Variants in ZFPM2 observed in about 807,000 individuals in gnomAD.
ZFPM2 encodes zinc finger protein ZFPM2.
ZFPM2 carries 20 observed loss-of-function variants against 98.6 expected under a neutral mutation model. The ratio of observed to expected loss-of-function variants is 0.20; its 90% CI spans 0.14 to 0.29. The LOEUF (loss-of-function observed/expected upper bound fraction) is 0.29. Ranked by LOEUF, ZFPM2 falls within the 10% of genes least tolerant of loss-of-function variation. The pLI, the probability that ZFPM2 is intolerant of heterozygous loss-of-function variation, is 1.00. For synonymous variants in ZFPM2, 518 were observed against 502.7 expected (o/e 1.03, Z -0.41); for missense variants, 1,310 against 1,388.6 (o/e 0.94, Z 0.90).
intron 4 of ZFPM2, among the ~76,000 whole-genome samples, chr8:105,614,187 C>A (rs1274669808): frequency 2.0e-5 from 3 of 152,064 alleles, no homozygotes; most frequent in Non-Finnish European, 2.9e-5. Flanking sequence ...TTTTATTAGA[C>A]AATAACAGAA....
chr8:105,653,854 C>CTTGTTTT (rs1817230500), intron 5 of ZFPM2, among the ~76,000 whole-genome samples: 1 of 35,260 alleles, frequency 2.8e-5, no homozygotes, highest in Non-Finnish European at 4.9e-5. Flanking sequence ...TGTGTGCTAT[C>CTTGTTTT]TTTTTTTTTT....
At chr8:105,386,883 G>A (rs1281961240) in intron 1 of ZFPM2, among the ~76,000 whole-genome samples, 2 of 152,106 alleles carry the variant, frequency 1.3e-5, no homozygotes, top group Non-Finnish European at 2.9e-5. Flanking sequence ...AGATTAGCTA[G>A]ATACAGAGTG....
chr8:105,723,125 G>A (rs1228530093), intron 5 of ZFPM2, among the ~76,000 whole-genome samples: 2 of 151,638 alleles, frequency 1.3e-5, no homozygotes, highest in Non-Finnish European at 2.9e-5. Flanking sequence ...ATTTCTCCAA[G>A]ATCCATATCA....
intron 4 of ZFPM2, among the ~76,000 whole-genome samples, chr8:105,566,158 T>A (rs571650011): frequency 1.3e-5 from 2 of 152,272 alleles, no homozygotes; most frequent in East Asian, 3.9e-4. Flanking sequence ...AATGTTAATT[T>A]CATTCAGAAA....
chr8:105,368,391 G>A (rs541389268), intron 1 of ZFPM2, among the ~76,000 whole-genome samples: 2 of 152,154 alleles, frequency 1.3e-5, no homozygotes, highest in East Asian at 3.9e-4. Context: ...ACAATCTCAG[G>A]CCCAGTGTGT....
intron 1 of ZFPM2, among the ~76,000 whole-genome samples, chr8:105,332,042 C>A (rs922040622): frequency 1.3e-5 from 2 of 151,670 alleles, no homozygotes; most frequent in African/African-American, 4.8e-5. Flanking sequence ...AACTCCTACC[C>A]ATAAACCACT....
At chr8:105,497,646 G>A (rs1246150889) in intron 3 of ZFPM2, among the ~76,000 whole-genome samples, 1 of 152,086 alleles carries the variant, frequency 6.6e-6, no homozygotes, top group Non-Finnish European at 1.5e-5. Flanking sequence ...TTAAGAATTA[G>A]CTTTTTTACT....
chr8:105,400,417 C>T (rs1811316540), intron 1 of ZFPM2, among the ~76,000 whole-genome samples: 1 of 152,100 alleles, frequency 6.6e-6, no homozygotes, highest in Non-Finnish European at 1.5e-5. Flanking sequence ...TCCCCACTCC[C>T]CCTACCCCAC....
chr8:105,395,488 C>T (rs1470855026), intron 1 of ZFPM2, among the ~76,000 whole-genome samples: 1 of 152,040 alleles, frequency 6.6e-6, no homozygotes, highest in Non-Finnish European at 1.5e-5. Flanking sequence ...TTACACACCA[C>T]CTGAATCTGA....
At chr8:105,539,087 T>C (rs905407205) in intron 3 of ZFPM2, among the ~76,000 whole-genome samples, 4 of 152,110 alleles carry the variant, frequency 2.6e-5, no homozygotes, top group African/African-American at 9.7e-5. Flanking sequence ...GTTCATATTT[T>C]CTTCTGCCTC....
intron 5 of ZFPM2, among the ~76,000 whole-genome samples, chr8:105,706,703 C>A (rs1190780730): frequency 6.6e-6 from 1 of 151,984 alleles, no homozygotes; most frequent in African/African-American, 2.4e-5. Flanking sequence ...CCTCAGCCTC[C>A]CAAGTAGCTG....
intron 1 of ZFPM2, among the ~76,000 whole-genome samples, chr8:105,399,009 G>C (rs1054757538): frequency 1.3e-5 from 2 of 152,262 alleles, no homozygotes. Flanking sequence ...AGAGGGAAGA[G>C]CAAGTGCAAA....
chr8:105,499,066 A>G (rs886840408), intron 3 of ZFPM2, among the ~76,000 whole-genome samples: 6 of 152,090 alleles, frequency 3.9e-5, no homozygotes, highest in African/African-American at 1.2e-4. Flanking sequence ...TAAAATAGGC[A>G]TAGTTTGCCT....
intron 3 of ZFPM2, among the ~76,000 whole-genome samples, chr8:105,532,294 A>G (rs1563702772): frequency 6.6e-6 from 1 of 152,210 alleles, no homozygotes; most frequent in Non-Finnish European, 1.5e-5. Flanking sequence ...TTATATATGC[A>G]TGTAAGTCCA....
chr8:105,501,507 T>G (rs1239497198), intron 3 of ZFPM2, among the ~76,000 whole-genome samples: 1 of 151,522 alleles, frequency 6.6e-6, no homozygotes, highest in Non-Finnish European at 1.5e-5. Context: ...CTTTTTTTTT[T>G]TTCTTTTCTT....
intron 5 of ZFPM2, among the ~76,000 whole-genome samples, chr8:105,658,045 A>AT (rs1294415618): frequency 3.3e-5 from 5 of 151,942 alleles, no homozygotes; most frequent in African/African-American, 4.8e-5. Flanking sequence ...TGACTATGCC[A>AT]TTTTTTTATC....
At chr8:105,405,001 G>A (rs1811412312) in intron 1 of ZFPM2, among the ~76,000 whole-genome samples, 3 of 152,046 alleles carry the variant, frequency 2.0e-5, no homozygotes. Context: ...TTATTCATGA[G>A]CCAAGTCTCC....
At chr8:105,405,165 G>A (rs894965516) in intron 1 of ZFPM2, among the ~76,000 whole-genome samples, 1 of 152,076 alleles carries the variant, frequency 6.6e-6, no homozygotes, top group Non-Finnish European at 1.5e-5. Flanking sequence ...CAGAACCCCA[G>A]GTAGGACAAG....
intron 1 of ZFPM2, 141 bp from the exon 2 acceptor site, chr8:105,419,003 C>T (rs1413782020): frequency 1.4e-6 from 1 of 699,080 alleles, no homozygotes; most frequent in Non-Finnish European, 2.4e-6. Flanking sequence ...GTGGCATTAT[C>T]TTTTGTGAGT....
Sources: allele counts gnomAD v4.1 joint callset (sites outside exome capture counted in the v4.1 genomes callset), GRCh38; gene constraint gnomAD v4.1.1; transcripts MANE v1.5; gene names NCBI Gene and HGNC (gene_info 2026-07-23, HGNC 2026-07-21).